WDFY4: variants seen among roughly 807,000 people sequenced by gnomAD.
WDFY4 encodes WDFY family member 4.
A neutral mutation model predicts 351.9 loss-of-function variants in WDFY4; 169 were observed. The ratio of observed to expected loss-of-function variants is 0.48; its 90% CI spans 0.42 to 0.55. WDFY4 has a LOEUF of 0.55. WDFY4 is among the 20% of genes least tolerant of loss of function. The pLI is 0.00. For synonymous variants in WDFY4, 1,622 were observed against 1,574.6 expected (o/e 1.03, Z -0.71); for missense variants, 3,803 against 3,935.6 (o/e 0.97, Z 0.90).
rs928248484 is a variant in WDFY4 at position 48,788,693 on chromosome 10, G to A, written c.3954+18G>A. On this transcript the variant is annotated intron_variant, in intron 21 of 61. Coordinates refer to ENST00000325239, the MANE Select transcript of WDFY4 (RefSeq NM_001394531.1). ...CCAAAGAGGTACATCTTCTAACTTC[G>A]CTGCTAATCTCTGTTGGAATCTGGT... 53 of 1,550,388 alleles carry A rather than the reference G, an allele frequency of 3.4e-5. No homozygotes were observed. The highest frequency in any genetic ancestry group is 4.2e-5 in the Non-Finnish European group (48 of 1,146,016).
At chr10:48,777,329 G>T (rs1361547856) in intron 16 of WDFY4, 90 bp from the exon 17 acceptor site, 4 of 1,210,112 alleles carry the variant, frequency 3.3e-6, no homozygotes, top group Non-Finnish European at 4.8e-6. Flanking sequence ...CAGGAGGGTA[G>T]AGTGGGAAGA....
At chr10:48,726,736 C>T (rs115596621) in intron 6 of WDFY4, among the ~76,000 whole-genome samples, 2,384 of 152,296 alleles carry the variant, frequency 0.016, 64 homozygotes, top group African/African-American at 0.054. Context: ...CTTCTGAGTC[C>T]TTGCAGCTGA....
chr10:48,883,752 G>A (rs942208644), intron 43 of WDFY4, among the ~76,000 whole-genome samples: 2 of 152,210 alleles, frequency 1.3e-5, no homozygotes, highest in Non-Finnish European at 2.9e-5. Flanking sequence ...TGGAGCTGCA[G>A]GCATCATCCT....
chr10:48,833,964 G>A (rs899875368), intron 39 of WDFY4, among the ~76,000 whole-genome samples: 24 of 152,190 alleles, frequency 1.6e-4, no homozygotes, highest in African/African-American at 5.5e-4. Context: ...CGAGGAAAAG[G>A]CCTTTCTTTT....
At chr10:48,858,835 C>G (rs549691898) in intron 39 of WDFY4, among the ~76,000 whole-genome samples, 1 of 152,270 alleles carries the variant, frequency 6.6e-6, no homozygotes, top group African/African-American at 2.4e-5. Flanking sequence ...AATTCATGAA[C>G]ATGATATGTT....
In WDFY4 at chr10:48,976,995, G is replaced by T; in HGVS notation, c.9291+16G>T. The T allele has an allele frequency of 7.3e-7, 1 of 1,374,238 alleles. No individual in the cohort carries two copies. The highest frequency in any genetic ancestry group is 9.5e-7 in the Non-Finnish European group (1 of 1,050,208). The allele number at this position is 1,374,238 out of a possible 1,614,324, so 85.1% of individuals were successfully genotyped here. On this transcript the variant is annotated intron_variant, in intron 59 of 61. Coordinates refer to ENST00000325239, the MANE Select transcript of WDFY4 (RefSeq NM_001394531.1). ...CATGGTCCGGGTAGGTGTGTCTTGG[G>T]CAGAATGAGGACATGACACAAGAAA...
At chr10:48,742,608 T>C (rs1036614334) in intron 11 of WDFY4, among the ~76,000 whole-genome samples, 4 of 152,144 alleles carry the variant, frequency 2.6e-5, no homozygotes, top group Admixed American at 2.6e-4. Flanking sequence ...GGTTTTCAAG[T>C]AGCTGCAGTA....
At chr10:48,907,071 C>T (rs1463304994) in intron 47 of WDFY4, among the ~76,000 whole-genome samples, 2 of 152,098 alleles carry the variant, frequency 1.3e-5, no homozygotes, top group African/African-American at 4.8e-5. Context: ...TACTGGGGAA[C>T]CTAATTCTCT....
chr10:48,763,000 C>T (rs1716795746), intron 13 of WDFY4, among the ~76,000 whole-genome samples: 2 of 152,212 alleles, frequency 1.3e-5, no homozygotes, highest in African/African-American at 4.8e-5. Context: ...CTGTCATTAC[C>T]TTACTCATCT....
chr10:48,745,429 G>T (rs759522483), intron 12 of WDFY4: 2 of 249,072 alleles, frequency 8.0e-6, no homozygotes, highest in Admixed American at 5.4e-5. Flanking sequence ...TATGTCCCTT[G>T]GATCGAATTT....
intron 5 of WDFY4, 25 bp downstream of exon 5, chr10:48,723,592 T>A: frequency 6.4e-7 from 1 of 1,551,090 alleles, no homozygotes; most frequent in Non-Finnish European, 8.7e-7. Flanking sequence ...GGCCTCCAAT[T>A]CCCTGGGTCA....
intron 1 of WDFY4, among the ~76,000 whole-genome samples, chr10:48,704,604 T>C (rs536926086): frequency 6.6e-6 from 1 of 152,140 alleles, no homozygotes; most frequent in Non-Finnish European, 1.5e-5. Context: ...TGACCGGGTA[T>C]AGTAGTTTGC....
chr10:48,924,581 A>G (rs1363294177), intron 47 of WDFY4, among the ~76,000 whole-genome samples: 1 of 152,256 alleles, frequency 6.6e-6, no homozygotes, highest in East Asian at 1.9e-4. Flanking sequence ...CTCAAATATA[A>G]GAGGTTTCTA....
At chr10:48,945,928 G>T (rs59314975) in intron 49 of WDFY4, 112 bp from the exon 50 acceptor site, 2 of 712,840 alleles carry the variant, frequency 2.8e-6, no homozygotes, top group Non-Finnish European at 4.4e-6. Flanking sequence ...CCAGAGGCAG[G>T]TCAGACCAAA....
chr10:48,738,168 G>A (rs375794397), intron 11 of WDFY4, among the ~76,000 whole-genome samples: 5 of 152,224 alleles, frequency 3.3e-5, no homozygotes, highest in East Asian at 1.9e-4. Flanking sequence ...GATCCACAGA[G>A]AGGAAAGTTT....
chr10:48,910,115 G>T (rs377008312), intron 47 of WDFY4: 1 of 927,580 alleles, frequency 1.1e-6, no homozygotes, highest in African/African-American at 1.6e-5. Context: ...GGCCAGCTCC[G>T]GCGAGCCTGG....
intron 47 of WDFY4, among the ~76,000 whole-genome samples, chr10:48,922,893 G>A (rs1839219782): frequency 6.6e-6 from 1 of 152,194 alleles, no homozygotes; most frequent in Non-Finnish European, 1.5e-5. Context: ...TTGGGGAAAG[G>A]CTTGACTAGA....
At chr10:48,972,817 C>G (rs1162934837) in intron 57 of WDFY4, among the ~76,000 whole-genome samples, 1 of 152,172 alleles carries the variant, frequency 6.6e-6, no homozygotes, top group Admixed American at 6.5e-5. Flanking sequence ...ATGTAACCAG[C>G]ATGGGGAATT....
At chr10:48,806,283 A>G (rs1871612) in intron 27 of WDFY4, among the ~76,000 whole-genome samples, 188 bp downstream of exon 27, 32,683 of 152,190 alleles carry the variant, frequency 0.21, 4,176 homozygotes, top group East Asian at 0.36. Context: ...ATAAAATTAT[A>G]GATTCCTGCT....
Sources: gnomAD v4.1 joint callset for allele counts (sites outside exome capture counted in the v4.1 genomes callset) on GRCh38, gnomAD v4.1.1 for gene constraint, MANE v1.5 for transcripts, NCBI Gene and HGNC (gene_info 2026-07-23, HGNC 2026-07-21) for gene names.